TTN: variants seen among roughly 807,000 people sequenced by gnomAD.
TTN encodes the protein titin.
A neutral mutation model predicts 3,223.0 loss-of-function variants in TTN; 1,525 were observed. The observed-to-expected ratio is 0.47, with a 90% CI of 0.45 to 0.49. The LOEUF (loss-of-function observed/expected upper bound fraction) is 0.49. Ranked by LOEUF, TTN falls within the 20% of genes least tolerant of loss-of-function variation. The pLI, the probability that TTN is intolerant of heterozygous loss-of-function variation, is 0.00. For missense variants in TTN, 40,786 were observed against 43,424.0 expected, an observed-to-expected ratio of 0.94 and a Z score of 5.40; for synonymous variants, 14,094 against 15,161.0, an observed-to-expected ratio of 0.93 and a Z score of 5.17.
Position 178,783,175 on chromosome 2 carries a change from G to T in TTN, c.2842-111C>A, listed in dbSNP as rs2306637. On this transcript the variant is annotated intron_variant, in intron 17 of 362. Coordinates refer to ENST00000589042, the MANE Select transcript of TTN (RefSeq NM_001267550.2). ...TATGCATTTCAACTGCCACAAAATG[G>T]CCTTTTAATCAGGACTCCAGAAATA... 29,166 of 1,244,848 alleles carry T rather than the reference G, an allele frequency of 0.023. 1,156 individuals are homozygous for T. Among genetic ancestry groups the T allele is most frequent in the East Asian group, 0.13 (5,133 of 40,312 alleles). 77.1% of individuals were successfully genotyped at this position (1,244,848 alleles called of 1,614,324 possible).
At position 178,580,035 on chromosome 2, in the gene TTN, A is replaced by G; in HGVS notation, c.67252T>C (p.Leu22418=). The G allele has an allele frequency of 6.2e-7, 1 of 1,613,284 alleles. No homozygotes were observed. Among genetic ancestry groups the G allele is most frequent in the South Asian group, 1.1e-5 (1 of 91,064 alleles). The change falls in exon 318 of 363, where the codon TTG becomes CTG. Residue 22418 remains leucine, a synonymous_variant. Coordinates refer to ENST00000589042, the MANE Select transcript of TTN (RefSeq NM_001267550.2). ...AAGAAGTAGGATTTTCCCTCCTCCA[A>G]ATTAGCTACTCTGAAGCTTGTTTTG... The part of the protein sequence containing the change: ...CSKTSFRVAN[L]EEGKSYFFRV...
chr2:178,777,105 T>C (rs2092309031), intron 27 of TTN, 44 bp downstream of exon 27: 1 of 1,614,032 alleles, frequency 6.2e-7, no homozygotes, highest in Middle Eastern at 1.6e-4. Flanking sequence ...TCCCTGGTTA[T>C]TGGATTTGTA....
At position 178,778,943 on chromosome 2, in the gene TTN, T is replaced by C; in HGVS notation, c.4139A>G (p.Tyr1380Cys). The stretch of plus-strand genomic sequence containing the variant: ...TCCAAGTGGTGCAGCAGGCTCCACA[T>C]ACAATTTCCCTGAGCAAATTGCATT... ...KGNAICSGKL[Y>C]VEPAAPLGAP... The change falls in exon 24 of 363, where the codon TAT (tyrosine) becomes TGT (cysteine). Residue 1380 changes from tyrosine to cysteine, a missense_variant. Coordinates refer to ENST00000589042, the MANE Select transcript of TTN (RefSeq NM_001267550.2). The C allele has an allele frequency of 1.2e-6, 2 of 1,614,012 alleles. No homozygotes were observed. Among genetic ancestry groups the C allele is most frequent in the Non-Finnish European group, 1.7e-6 (2 of 1,179,918 alleles).
Position 178,632,282 on chromosome 2 carries a change from T to C in TTN, c.43612A>G (p.Thr14538Ala). The change falls in exon 236 of 363, where the codon ACC becomes GCC. Residue 14538 changes from threonine (T) to alanine (A), a missense_variant. Coordinates refer to ENST00000589042, the MANE Select transcript of TTN (RefSeq NM_001267550.2). ...TCTTGCATTGAGACCGACCTGGTGG[T>C]GTGTAGGCGCTGGTCATTCTTGAAC... ...KWFKNDQRLH[T>A]TRSVSMQDEG... 1.9e-6 allele frequency: 3 copies of C among 1,610,018 alleles called. No individual in the cohort carries two copies. Among genetic ancestry groups the C allele is most frequent in the Non-Finnish European group, 8.5e-7 (1 of 1,178,104 alleles).
intron 99 of TTN, among the ~76,000 whole-genome samples, chr2:178,708,632 C>A (rs892030642): frequency 3.3e-5 from 5 of 152,140 alleles, no homozygotes; most frequent in Non-Finnish European, 7.4e-5. Flanking sequence ...GAGTGTAAAT[C>A]ATGAAGATAA....
chr2:178,622,519 G>C (rs1037304824), intron 243 of TTN, 151 bp downstream of exon 243: 1 of 612,826 alleles, frequency 1.6e-6, no homozygotes, highest in African/African-American at 1.9e-5. Context: ...AGCAATTAAA[G>C]TCAAGAATAC....
In TTN at chr2:178,533,943, T is replaced by A; in HGVS notation, c.102672A>T (p.Leu34224=). 6.2e-7 allele frequency: 1 copy of A among 1,613,888 alleles called. No homozygotes were observed. Among genetic ancestry groups the A allele is most frequent in the Non-Finnish European group, 8.5e-7 (1 of 1,179,846 alleles). The change falls in exon 358 of 363, where the codon CTA becomes CTT. Residue 34224 remains leucine, a synonymous_variant. Coordinates refer to ENST00000589042, the MANE Select transcript of TTN (RefSeq NM_001267550.2). ...AGACTTCTCTCACACCTTTAACAAATAGCTCTGCATAAGAACTGTCTTCAC... is the reference window on the plus strand; with the variant it reads ...AGACTTCTCTCACACCTTTAACAAAAAGCTCTGCATAAGAACTGTCTTCAC... The part of the protein sequence containing the change: ...DYGEDSSYAE[L]FVKGVREVYD...
Position 178,604,124 on chromosome 2 carries a change from G to A in TTN, c.54563C>T (p.Thr18188Ile). 1 of 1,612,542 alleles carries A rather than the reference G, an allele frequency of 6.2e-7. No homozygotes were observed. The change falls in exon 282 of 363, where the codon ACT becomes ATT. Residue 18188 changes from threonine to isoleucine, a missense_variant. Thr to Ile is a moderately conservative substitution (Grantham distance 89). Transcript: ENST00000589042. The stretch of plus-strand genomic sequence containing the variant: ...AGAGCCACCATTGTCCAAAGGAGGA[G>A]TCCAGCTCACTAGCATTGATCCTTT... ...RTKGSMLVSWTPPLDNGGSPI... is the reference protein window; with the variant it reads ...RTKGSMLVSWIPPLDNGGSPI...
In TTN at chr2:178,692,092, C is replaced by G. The variant is rs1352046634; in HGVS notation, c.31686G>C (p.Glu10562Asp). ...CCTCTGGCACGGGTTTCTTGGGAAC[C>G]TCAGGAACTTTAAAGATACAATTGT... ...KVEPPAPKVP[E>D]VPKKPVPEEK... The change falls in exon 121 of 363, where the codon GAG (glutamate) becomes GAC (aspartate). Residue 10562 changes from glutamate to aspartate, a missense_variant. Physicochemically the swap from Glu to Asp is conservative, Grantham distance 45. Coordinates refer to ENST00000589042, the MANE Select transcript of TTN (RefSeq NM_001267550.2). The G allele has an allele frequency of 1.2e-6, 2 of 1,611,796 alleles. No individual in the cohort carries two copies. The highest frequency in any genetic ancestry group is 1.7e-6 in the Non-Finnish European group (2 of 1,178,502).
Position 178,537,835 on chromosome 2 carries a change from A to G in TTN, c.99372T>C (p.Ile33124=). Reference sequence around the variant, plus strand: ...TAATGTCAGGAAGAGGCCTTCCAACAATCTGGCATGAGAGTTGAGCAGCTT... The same window carrying G: ...TAATGTCAGGAAGAGGCCTTCCAACGATCTGGCATGAGAGTTGAGCAGCTT... ...LGEAAQLSCQ[I]VGRPLPDIKW... The change falls in exon 355 of 363, where the codon ATT becomes ATC. Residue 33124 remains isoleucine (I), a synonymous_variant. Coordinates refer to ENST00000589042, the MANE Select transcript of TTN (RefSeq NM_001267550.2). The G allele has an allele frequency of 1.2e-6, 2 of 1,613,728 alleles. No homozygotes were observed. The highest frequency in any genetic ancestry group is 1.7e-6 in the Non-Finnish European group (2 of 1,179,738).
chr2:178,556,685 AT>A (rs1701652461), intron 330 of TTN, 162 bp downstream of exon 330: 1 of 760,934 alleles, frequency 1.3e-6, no homozygotes, highest in Admixed American at 2.9e-5. Context: ...CTGGAAAGGT[AT>A]TTAAGGAATT....
In TTN at chr2:178,734,947, T is replaced by C; in HGVS notation, c.14977A>G (p.Met4993Val). The C allele has an allele frequency of 6.2e-7, 1 of 1,606,424 alleles. No homozygotes were observed. The highest frequency in any genetic ancestry group is 1.1e-5 in the South Asian group (1 of 90,286). ...FVKKVDPSYL[M>V]LPGESARLHC... ...AGGCGTGCTGATTCACCTGGGAGCATTAAATAAGAGGGATCCACCTTCTTC... is the reference window on the plus strand; with the variant it reads ...AGGCGTGCTGATTCACCTGGGAGCACTAAATAAGAGGGATCCACCTTCTTC... Residue 4993 changes from methionine (M) to valine (V), a missense_variant, in exon 51 of 363, where the codon ATG becomes GTG. Met to Val is a conservative substitution (Grantham distance 21). Transcript: ENST00000589042.
At position 178,581,439 on chromosome 2, in the gene TTN, C is replaced by T. The variant is rs2047720651; in HGVS notation, c.66769+60G>A. On this transcript the variant is annotated intron_variant, in intron 316 of 362. Coordinates refer to ENST00000589042, the MANE Select transcript of TTN (RefSeq NM_001267550.2). ...TTAATCTACCTAAGGGAGTTCTAGT[C>T]TCCCTCTTAGAATATGATTAATAGG... The T allele has an allele frequency of 4.3e-6, 6 of 1,407,116 alleles. No individual in the cohort carries two copies. In the African/African-American group the frequency reaches 5.7e-5, roughly 13 times the overall value. 87.2% of individuals were successfully genotyped at this position (1,407,116 alleles called of 1,614,324 possible). A position where few individuals can be genotyped will look rare whatever the true frequency, so the allele number is the denominator to read the frequency against.
Position 178,748,648 on chromosome 2 carries a change from TTTTA to T in TTN, c.11311+4472_11311+4475del, listed in dbSNP as rs1460696675. Reference sequence around the variant, plus strand: ...ATTCTTGGAATTTCACATCTGTGTGTTTTATTTGAGTGTGAAACTGCTTTAAGTC... The same window carrying T: ...ATTCTTGGAATTTCACATCTGTGTGTTTTGAGTGTGAAACTGCTTTAAGTC... On this transcript the variant is annotated intron_variant, in intron 47 of 362. Coordinates refer to ENST00000589042, the MANE Select transcript of TTN (RefSeq NM_001267550.2). 29 of 1,613,012 alleles carry T rather than the reference TTTTA, an allele frequency of 1.8e-5. No individual in the cohort carries two copies. Among genetic ancestry groups the T allele is most frequent in the Non-Finnish European group, 2.5e-5 (29 of 1,179,342 alleles).
At chr2:178,785,800 G>A (rs1417480492) in intron 14 of TTN, 48 bp downstream of exon 14, 21 of 1,614,092 alleles carry the variant, frequency 1.3e-5, no homozygotes, top group Non-Finnish European at 1.8e-5. Flanking sequence ...CAGCAGTGAG[G>A]CTTGCTTTAC....
At chr2:178,800,121 T>G (rs1054852986) in intron 4 of TTN, among the ~76,000 whole-genome samples, 1 of 152,250 alleles carries the variant, frequency 6.6e-6, no homozygotes, top group African/African-American at 2.4e-5. Context: ...AATGATTTTT[T>G]AAAATTTCAT....
Position 178,738,194 on chromosome 2 carries a change from A to G in TTN, c.14259T>C (p.Tyr4753=). The G allele has an allele frequency of 6.2e-7, 1 of 1,613,780 alleles. No individual in the cohort carries two copies. The highest frequency in any genetic ancestry group is 1.1e-5 in the South Asian group (1 of 91,078). The change falls in exon 49 of 363, where the codon TAT becomes TAC. Residue 4753 remains tyrosine, a synonymous_variant. Transcript: ENST00000589042. The stretch of plus-strand genomic sequence containing the variant: ...TTCTCAGGATTTCAAGGCTGGAGAT[A>G]TACTTTGAAGATCGAATAGAACACT... ...SDKCSIRSSK[Y]ISSLEILRTQ...
In TTN at chr2:178,532,104, C is replaced by T. The variant is rs1689389206; in HGVS notation, c.104511G>A (p.Leu34837=). Residue 34837 remains leucine, a synonymous_variant, in exon 358 of 363, where the codon CTG becomes CTA. Transcript: ENST00000589042. The stretch of plus-strand genomic sequence containing the variant: ...TTGGAGACAGGGAGCGCCGTCGTCT[C>T]AGTAGTCTAGACGCAGATGAGGATG... ...RESSSSASRL[L]RRRRSLSPTY... The T allele has an allele frequency of 6.2e-7, 1 of 1,613,960 alleles. No individual in the cohort carries two copies.
Position 178,534,556 on chromosome 2 carries a change from T to A in TTN, c.102059A>T (p.Asn34020Ile). ...SGINPFLAET[N>I]QQIIENIMNA... ...CATGATATTCTCAATGATCTGTTGG[T>A]TAGTTTCAGCCAGGAATGGGTTGAT... The change falls in exon 358 of 363, where the codon AAC (asparagine) becomes ATC (isoleucine). Residue 34020 changes from asparagine (N) to isoleucine (I), a missense_variant. Physicochemically the swap from Asn to Ile is moderately radical, Grantham distance 149 (BLOSUM62 -3). Coordinates refer to ENST00000589042, the MANE Select transcript of TTN (RefSeq NM_001267550.2). The A allele has an allele frequency of 6.2e-7, 1 of 1,613,910 alleles. No individual in the cohort carries two copies. Among genetic ancestry groups the A allele is most frequent in the South Asian group, 1.1e-5 (1 of 91,074 alleles).
Sources: gnomAD v4.1 joint callset for allele counts (sites outside exome capture counted in the v4.1 genomes callset) on GRCh38, gnomAD v4.1.1 for gene constraint, MANE v1.5 for transcripts, NCBI Gene and HGNC (gene_info 2026-07-23, HGNC 2026-07-21) for gene names.